ROBO1: variants seen among roughly 807,000 people sequenced by gnomAD.
ROBO1 encodes the protein roundabout homolog 1.
ROBO1 carries 149 observed loss-of-function variants against 195.9 expected under a neutral mutation model. The observed-to-expected ratio is 0.76, with a 90% CI of 0.67 to 0.87. The LOEUF (loss-of-function observed/expected upper bound fraction) is 0.87, where lower values mean the gene tolerates loss of function less well. Ranked by LOEUF, ROBO1 falls within the 40% of genes least tolerant of loss-of-function variation. The pLI, the probability that ROBO1 is intolerant of heterozygous loss-of-function variation, is 0.00. For synonymous variants in ROBO1, 816 were observed against 733.2 expected (o/e 1.11, Z -1.82); for missense variants, 1,933 against 2,068.3 (o/e 0.93, Z 1.27).
At chr3:78,830,515 G>A (rs2032072694) in intron 4 of ROBO1, among the ~76,000 whole-genome samples, 1 of 152,128 alleles carries the variant, frequency 6.6e-6, no homozygotes, top group Non-Finnish European at 1.5e-5. Context: ...CGACAGAAAG[G>A]GAAGCAGACA....
chr3:78,977,917 A>AATTTAAAAAT (rs2076916287), intron 3 of ROBO1, among the ~76,000 whole-genome samples: 1 of 152,140 alleles, frequency 6.6e-6, no homozygotes, highest in Non-Finnish European at 1.5e-5. Flanking sequence ...TATATAAATG[A>AATTTAAAAAT]ATTTAAAAAT....
intron 2 of ROBO1, among the ~76,000 whole-genome samples, chr3:79,346,186 G>T (rs1342721611): frequency 6.6e-6 from 1 of 150,534 alleles, no homozygotes; most frequent in Non-Finnish European, 1.5e-5. Context: ...GAGAAATACT[G>T]TAATTCAATT....
At chr3:79,715,215 G>A (rs1702437074) in intron 1 of ROBO1, among the ~76,000 whole-genome samples, 1 of 152,088 alleles carries the variant, frequency 6.6e-6, no homozygotes, top group Admixed American at 6.6e-5. Context: ...TAAAGCTGTG[G>A]CATGGTTTGA....
At chr3:79,661,632 CTTTT>C (rs1672614513) in intron 1 of ROBO1, among the ~76,000 whole-genome samples, 1 of 151,540 alleles carries the variant, frequency 6.6e-6, no homozygotes, top group African/African-American at 2.4e-5. Flanking sequence ...CTATCCCTTT[CTTTT>C]TCTCTTTCTA....
intron 4 of ROBO1, among the ~76,000 whole-genome samples, chr3:78,930,816 C>T (rs1305596560): frequency 2.6e-5 from 4 of 152,142 alleles, no homozygotes; most frequent in African/African-American, 9.7e-5. Flanking sequence ...GACTATTATG[C>T]AACTCATTCT....
At chr3:79,080,214 A>G (rs1271605002) in intron 3 of ROBO1, among the ~76,000 whole-genome samples, 1 of 151,898 alleles carries the variant, frequency 6.6e-6, no homozygotes, top group African/African-American at 2.4e-5. Context: ...AAAATTTCCA[A>G]AACCTCCTTT....
chr3:79,249,667 A>G (rs1182947933), intron 2 of ROBO1, among the ~76,000 whole-genome samples: 1 of 152,176 alleles, frequency 6.6e-6, no homozygotes, highest in African/African-American at 2.4e-5. Flanking sequence ...TTTTCAACTA[A>G]TATAGAATGC....
chr3:79,703,595 T>C (rs1239036121), intron 1 of ROBO1, among the ~76,000 whole-genome samples: 1 of 151,918 alleles, frequency 6.6e-6, no homozygotes, highest in Non-Finnish European at 1.5e-5. Context: ...TTTTAGCATG[T>C]GTACTCTATT....
chr3:78,716,253 A>G (rs148946108), intron 7 of ROBO1, among the ~76,000 whole-genome samples: 2,795 of 152,266 alleles, frequency 0.018, 82 homozygotes, highest in African/African-American at 0.063. Context: ...CACTGCTATG[A>G]AGAAATACCC....
chr3:79,744,924 A>AT (rs200077263), intron 1 of ROBO1, among the ~76,000 whole-genome samples: 5,512 of 151,934 alleles, frequency 0.036, 335 homozygotes, highest in African/African-American at 0.13. Flanking sequence ...ATATATATAT[A>AT]AAAACATATA....
At chr3:79,314,244 A>T (rs943929706) in intron 2 of ROBO1, among the ~76,000 whole-genome samples, 9 of 152,146 alleles carry the variant, frequency 5.9e-5, no homozygotes, top group African/African-American at 2.2e-4. Context: ...CCAATAAAAA[A>T]CCTGATGTAA....
At chr3:79,181,450 T>G (rs1007283523) in intron 2 of ROBO1, among the ~76,000 whole-genome samples, 1 of 152,200 alleles carries the variant, frequency 6.6e-6, no homozygotes, top group East Asian at 1.9e-4. Flanking sequence ...CATATTGAAC[T>G]TAGATGCTCA....
intron 4 of ROBO1, among the ~76,000 whole-genome samples, chr3:78,875,579 C>T (rs995063113): frequency 4.6e-5 from 7 of 151,974 alleles, no homozygotes; most frequent in African/African-American, 1.4e-4. Flanking sequence ...CTCGGAATAG[C>T]TTATGGAAAT....
intron 4 of ROBO1, among the ~76,000 whole-genome samples, chr3:78,928,323 A>T (rs2039324993): frequency 6.6e-6 from 1 of 152,182 alleles, no homozygotes; most frequent in Admixed American, 6.5e-5. Context: ...AGAACAGTTC[A>T]TAAGAAATGT....
chr3:78,765,733 T>C (rs979292703), intron 4 of ROBO1, among the ~76,000 whole-genome samples: 4 of 152,192 alleles, frequency 2.6e-5, no homozygotes, highest in Non-Finnish European at 4.4e-5. Flanking sequence ...TGCACTTTAA[T>C]AGAGGACAAA....
chr3:78,679,647 A>G (rs1406838254), intron 10 of ROBO1, among the ~76,000 whole-genome samples: 1 of 152,216 alleles, frequency 6.6e-6, no homozygotes, highest in African/African-American at 2.4e-5. Context: ...TTCAAGGAGA[A>G]CTACAAACCA....
At chr3:79,675,715 A>G (rs1560090852) in intron 1 of ROBO1, among the ~76,000 whole-genome samples, 1 of 152,056 alleles carries the variant, frequency 6.6e-6, no homozygotes, top group Non-Finnish European at 1.5e-5. Flanking sequence ...TCTTTACTAA[A>G]CTGTAGTCAC....
chr3:79,340,045 G>C (rs888594216), intron 2 of ROBO1, among the ~76,000 whole-genome samples: 5 of 152,138 alleles, frequency 3.3e-5, no homozygotes, highest in Non-Finnish European at 5.9e-5. Context: ...CCACCCACTT[G>C]GCAGGTGTGA....
At chr3:79,424,014 T>C (rs2038339534) in intron 2 of ROBO1, among the ~76,000 whole-genome samples, 1 of 152,040 alleles carries the variant, frequency 6.6e-6, no homozygotes, top group Non-Finnish European at 1.5e-5. Context: ...GATTTGTTTC[T>C]ATAAATATAT....
Sources: allele counts gnomAD v4.1 joint callset (sites outside exome capture counted in the v4.1 genomes callset), GRCh38; gene constraint gnomAD v4.1.1; transcripts MANE v1.5; gene names NCBI Gene and HGNC (gene_info 2026-07-23, HGNC 2026-07-21).